TSPAN5: variants seen among roughly 807,000 people sequenced by gnomAD.
TSPAN5 encodes tetraspanin 5.
In TSPAN5, 10 loss-of-function variants were observed where a neutral mutation model predicts 37.1. The observed-to-expected ratio is 0.27, with a 90% CI of 0.17 to 0.46. TSPAN5 has a LOEUF of 0.46. Ranked by LOEUF, TSPAN5 falls within the 20% of genes least tolerant of loss-of-function variation. TSPAN5 has a pLI of 1.00. For synonymous variants in TSPAN5, 110 were observed against 118.9 expected, an observed-to-expected ratio of 0.93 and a Z score of 0.48; for missense variants, 195 against 326.6, an observed-to-expected ratio of 0.60 and a Z score of 3.11.
At chr4:98,582,232 C>T (rs1008386164) in intron 1 of TSPAN5, among the ~76,000 whole-genome samples, 4 of 152,206 alleles carry the variant, frequency 2.6e-5, no homozygotes, top group Admixed American at 1.3e-4. Flanking sequence ...TGTAAGCCCC[C>T]GACGCAACCG....
chr4:98,491,692 A>C (rs1488429796), intron 2 of TSPAN5, among the ~76,000 whole-genome samples: 1 of 151,992 alleles, frequency 6.6e-6, no homozygotes, highest in Admixed American at 6.5e-5. Flanking sequence ...GTCTAAAAAA[A>C]AAAAAAAAGG....
chr4:98,507,686 T>C lies in TSPAN5; in HGVS notation c.124A>G (p.Asn42Asp), dbSNP rs1381650835. ...CATGATATTCAACTTACTTTTTCAT[T>C]CCATGCCCACAGTCCAATTCCAAGA... ...TFLGIGLWAW[N>D]EKGVLSNISS... Residue 42 changes from asparagine to aspartate, a missense_variant, in exon 2 of 8, where the codon AAT becomes GAT. Transcript: ENST00000305798. 6.2e-7 allele frequency: 1 copy of C among 1,610,714 alleles called. No individual in the cohort carries two copies. The highest frequency in any genetic ancestry group is 8.5e-7 in the Non-Finnish European group (1 of 1,178,764).
chr4:98,470,462 G>A lies in TSPAN5; in HGVS notation c.*2060C>T, dbSNP rs112968303. ...ATTAATTAATATTTAAAACTCACTC[G>A]GACTTGCTGTTTGGCCTTTCAGTGG... On this transcript the variant is annotated 3_prime_UTR_variant, in exon 8 of 8. Transcript: ENST00000305798. 5.3e-5 allele frequency: 8 copies of A among 152,206 alleles called. No individual in the cohort carries two copies. The highest frequency in any genetic ancestry group is 8.8e-5 in the Non-Finnish European group (6 of 68,048). 9.4% of individuals were successfully genotyped at this position (152,206 alleles called of 1,614,324 possible). A position where few individuals can be genotyped will look rare whatever the true frequency, so the allele number is the denominator to read the frequency against.
At chr4:98,487,415 AG>A (rs765605994) in intron 2 of TSPAN5, among the ~76,000 whole-genome samples, 1 of 152,142 alleles carries the variant, frequency 6.6e-6, no homozygotes, top group Non-Finnish European at 1.5e-5. Context: ...ACCCCCAGAG[AG>A]GGGGGAGGTC....
rs942185592 is a variant in TSPAN5 at position 98,472,576 on chromosome 4, T to C, written c.753A>G (p.Ile251Met). 8.1e-6 allele frequency: 13 copies of C among 1,613,776 alleles called. No homozygotes were observed. The part of the protein sequence containing the change: ...IGIALLQIFG[I>M]CLAQNLVSDI... ...CGCTAACCAAATTCTGGGCCAGGCA[T>C]ATCCCAAATATCTGAGAAAGGAAGA... The change falls in exon 8 of 8, where the codon ATA becomes ATG. Residue 251 changes from isoleucine (I) to methionine (M), a missense_variant. Physicochemically the swap from Ile to Met is conservative, Grantham distance 10. Transcript: ENST00000305798.
intron 1 of TSPAN5, among the ~76,000 whole-genome samples, chr4:98,624,772 T>C: frequency 6.6e-6 from 1 of 152,208 alleles, no homozygotes; most frequent in East Asian, 1.9e-4. Flanking sequence ...ATTCATTAAT[T>C]CTCAACATAC....
chr4:98,613,907 A>AT (rs1756260554), intron 1 of TSPAN5, among the ~76,000 whole-genome samples: 1 of 151,924 alleles, frequency 6.6e-6, no homozygotes, highest in Non-Finnish European at 1.5e-5. Flanking sequence ...TTGCTTTCCA[A>AT]TTTTATCCCT....
chr4:98,514,565 G>A (rs762032104), intron 1 of TSPAN5, among the ~76,000 whole-genome samples: 5 of 152,228 alleles, frequency 3.3e-5, no homozygotes, highest in South Asian at 2.1e-4. Flanking sequence ...GTAAGATGGC[G>A]TGACTGATAA....
At chr4:98,514,324 G>A (rs1057464630) in intron 1 of TSPAN5, among the ~76,000 whole-genome samples, 19 of 152,076 alleles carry the variant, frequency 1.2e-4, no homozygotes, top group South Asian at 6.2e-4. Flanking sequence ...AACAACACTC[G>A]TTTTAGCAGG....
intron 1 of TSPAN5, among the ~76,000 whole-genome samples, chr4:98,546,492 G>GGT (rs1232264827): frequency 4.6e-5 from 7 of 152,176 alleles, no homozygotes; most frequent in Non-Finnish European, 8.8e-5. Flanking sequence ...GAAAATATCA[G>GGT]ACTATGGTAT....
intron 2 of TSPAN5, among the ~76,000 whole-genome samples, chr4:98,497,821 G>A (rs1753250329): frequency 6.6e-6 from 1 of 152,142 alleles, no homozygotes. Context: ...GGTGTTATGG[G>A]GGTGCATGGG....
At chr4:98,504,138 A>G (rs1232381688) in intron 2 of TSPAN5, among the ~76,000 whole-genome samples, 4 of 152,214 alleles carry the variant, frequency 2.6e-5, no homozygotes, top group African/African-American at 7.2e-5. Flanking sequence ...AATATGCTGA[A>G]AGTCCTATCT....
At chr4:98,592,421 G>GTTTTTCTTTT (rs1755661710) in intron 1 of TSPAN5, among the ~76,000 whole-genome samples, 1 of 95,280 alleles carries the variant, frequency 1.0e-5, no homozygotes, top group African/African-American at 4.4e-5. Context: ...AGGGATCTCT[G>GTTTTTCTTTT]TTTTTTGTTT....
At chr4:98,609,095 G>A (rs1756112121) in intron 1 of TSPAN5, among the ~76,000 whole-genome samples, 1 of 151,844 alleles carries the variant, frequency 6.6e-6, no homozygotes, top group Admixed American at 6.6e-5. Context: ...TGGTCTAGAG[G>A]GTAGTAACAG....
intron 5 of TSPAN5, among the ~76,000 whole-genome samples, chr4:98,478,427 T>A (rs1016667737): frequency 7.9e-5 from 12 of 152,244 alleles, no homozygotes; most frequent in African/African-American, 2.9e-4. Context: ...TGGTGGTATC[T>A]GCCAGTAGGA....
intron 2 of TSPAN5, among the ~76,000 whole-genome samples, chr4:98,489,076 G>A (rs1324937198): frequency 6.6e-6 from 1 of 152,136 alleles, no homozygotes; most frequent in Non-Finnish European, 1.5e-5. Flanking sequence ...ATTCTTAAAA[G>A]ACTTTAAGCT....
intron 1 of TSPAN5, among the ~76,000 whole-genome samples, chr4:98,514,563 G>C (rs1753688024): frequency 6.6e-6 from 1 of 152,110 alleles, no homozygotes; most frequent in Non-Finnish European, 1.5e-5. Flanking sequence ...TGGTAAGATG[G>C]CGTGACTGAT....
chr4:98,510,378 C>T (rs907663996), intron 1 of TSPAN5, among the ~76,000 whole-genome samples: 20 of 152,154 alleles, frequency 1.3e-4, no homozygotes, highest in African/African-American at 4.8e-4. Flanking sequence ...TATTCCTCCC[C>T]CAGCAAGCAA....
chr4:98,652,768 T>C (rs534146515), intron 1 of TSPAN5, among the ~76,000 whole-genome samples: 1 of 152,366 alleles, frequency 6.6e-6, no homozygotes, highest in South Asian at 2.1e-4. Flanking sequence ...AAAATGCAGA[T>C]TGCTTTCACC....
Sources: allele counts gnomAD v4.1 joint callset (sites outside exome capture counted in the v4.1 genomes callset), GRCh38; gene constraint gnomAD v4.1.1; transcripts MANE v1.5; gene names NCBI Gene and HGNC (gene_info 2026-07-23, HGNC 2026-07-21).